Variants in GPC6 observed in about 807,000 individuals in gnomAD.
GPC6 encodes the protein glypican-6.
GPC6 carries 14 observed loss-of-function variants against 55.2 expected under a neutral mutation model. The observed-to-expected ratio is 0.25, with a 90% confidence interval of 0.17 to 0.40. GPC6 has a LOEUF of 0.40. Ranked by LOEUF, GPC6 falls within the 10% of genes least tolerant of loss-of-function variation. The probability of loss-of-function intolerance (pLI) is 1.00; values close to 1 mark genes in which losing one functional copy is unlikely to be tolerated. For synonymous variants in GPC6, 278 were observed against 259.6 expected, an observed-to-expected ratio of 1.07 and a Z score of -0.68; for missense variants, 641 against 708.5, an observed-to-expected ratio of 0.90 and a Z score of 1.08.
chr13:94,281,458 C>T (rs1254840613), intron 4 of GPC6, among the ~76,000 whole-genome samples: 1 of 152,060 alleles, frequency 6.6e-6, no homozygotes, highest in East Asian at 1.9e-4. Context: ...TTCTTGCTTT[C>T]TCTAAAACAC....
At chr13:93,383,732 A>G (rs912213876) in intron 1 of GPC6, among the ~76,000 whole-genome samples, 1 of 147,484 alleles carries the variant, frequency 6.8e-6, no homozygotes, top group Admixed American at 6.7e-5. Flanking sequence ...CAAACCAAGA[A>G]TTTTTTTTTT....
At chr13:93,640,769 CA>C (rs1297088290) in intron 2 of GPC6, among the ~76,000 whole-genome samples, 4 of 84,916 alleles carry the variant, frequency 4.7e-5, no homozygotes, top group African/African-American at 2.4e-4. Context: ...CCCTCCTCCC[CA>C]CTTTCCTTCC....
chr13:93,583,342 G>T (rs1431127870), intron 2 of GPC6, among the ~76,000 whole-genome samples: 1 of 151,058 alleles, frequency 6.6e-6, no homozygotes, highest in Non-Finnish European at 1.5e-5. Flanking sequence ...TGCACATTGT[G>T]TGTGTGTGTG....
At chr13:93,358,522 C>G (rs1279025954) in intron 1 of GPC6, among the ~76,000 whole-genome samples, 1 of 152,132 alleles carries the variant, frequency 6.6e-6, no homozygotes, top group East Asian at 1.9e-4. Context: ...TCCCACCGCC[C>G]TTAAGTAGCA....
chr13:94,372,953 C>G (rs1250828293), intron 6 of GPC6, among the ~76,000 whole-genome samples: 2 of 152,168 alleles, frequency 1.3e-5, no homozygotes, highest in African/African-American at 2.4e-5. Flanking sequence ...AGCAGGAGCA[C>G]ACTGACACCT....
chr13:93,672,893 A>G (rs1204366621), intron 2 of GPC6, among the ~76,000 whole-genome samples: 1 of 152,082 alleles, frequency 6.6e-6, no homozygotes, highest in South Asian at 2.1e-4. Context: ...AGGTATATTC[A>G]TTAGAGGTCT....
At chr13:94,257,515 A>G (rs972085711) in intron 4 of GPC6, among the ~76,000 whole-genome samples, 5 of 152,128 alleles carry the variant, frequency 3.3e-5, no homozygotes, top group African/African-American at 1.2e-4. Flanking sequence ...CTCTCTTAGA[A>G]ATAATTAGAA....
intron 1 of GPC6, among the ~76,000 whole-genome samples, chr13:93,269,543 A>C (rs1335671325): frequency 1.3e-5 from 2 of 152,100 alleles, no homozygotes; most frequent in Non-Finnish European, 2.9e-5. Flanking sequence ...TCTTATTGTA[A>C]TTCTGTCTGC....
chr13:94,151,146 G>T (rs1887726301), intron 4 of GPC6, among the ~76,000 whole-genome samples: 1 of 151,976 alleles, frequency 6.6e-6, no homozygotes, highest in African/African-American at 2.4e-5. Flanking sequence ...GGTAGAGGCA[G>T]GTGTGGAATC....
intron 1 of GPC6, among the ~76,000 whole-genome samples, chr13:93,335,628 C>T (rs893045361): frequency 6.6e-6 from 1 of 152,120 alleles, no homozygotes; most frequent in Non-Finnish European, 1.5e-5. Flanking sequence ...TTATAATTGT[C>T]AGCTTATCTA....
intron 4 of GPC6, among the ~76,000 whole-genome samples, chr13:94,232,899 A>G (rs551896141): frequency 2.0e-5 from 3 of 152,036 alleles, no homozygotes; most frequent in African/African-American, 7.2e-5. Context: ...CAGGCACCAG[A>G]ATGTGTAACC....
rs923225715 is a variant in GPC6, at chr13:93,227,110, G to A, written c.-347G>A. On this transcript the variant is annotated 5_prime_UTR_variant, in exon 1 of 9. Transcript: ENST00000377047. This position sits in a 1 kb window ranked among gnomAD's most constrained non-coding sequence, Gnocchi z 4.3. The stretch of plus-strand genomic sequence containing the variant: ...GCCCGCAGCGCTCCAGGATTCTGCG[G>A]CTCGGAACTCGGATTGCAGCTCTGA... 1.4e-4 allele frequency: 26 copies of A among 181,034 alleles called. No individual in the cohort carries two copies. The highest frequency in any genetic ancestry group is 5.2e-4 in the African/African-American group (22 of 42,706). The allele number at this position is 181,034 out of a possible 1,614,324, so 11.2% of individuals were successfully genotyped here. A position where few individuals can be genotyped will look rare whatever the true frequency, so the allele number is the denominator to read the frequency against.
chr13:93,538,641 C>G (rs962938653), intron 1 of GPC6, among the ~76,000 whole-genome samples: 2 of 152,086 alleles, frequency 1.3e-5, no homozygotes, highest in Non-Finnish European at 2.9e-5. Context: ...CCGCCATATT[C>G]CTAAGAAAGA....
chr13:93,759,387 AG>A (rs1382302454), intron 2 of GPC6, among the ~76,000 whole-genome samples: 1 of 152,210 alleles, frequency 6.6e-6, no homozygotes, highest in Admixed American at 6.5e-5. Context: ...TCAGCATTGA[AG>A]GATACATTAT....
At chr13:93,395,806 A>G (rs1875829477) in intron 1 of GPC6, 1 of 152,472 alleles carries the variant, frequency 6.6e-6, no homozygotes. Flanking sequence ...AGCTGTTCGG[A>G]CTTTTTAGGA....
At chr13:94,317,289 G>T (rs1876588017) in intron 6 of GPC6, among the ~76,000 whole-genome samples, 1 of 152,152 alleles carries the variant, frequency 6.6e-6, no homozygotes, top group Admixed American at 6.5e-5. Context: ...TTTGACCTCA[G>T]AAAACTCCCC....
chr13:93,733,045 C>T (rs1594410048), intron 2 of GPC6, among the ~76,000 whole-genome samples: 1 of 152,142 alleles, frequency 6.6e-6, no homozygotes, highest in East Asian at 1.9e-4. Context: ...ACTAAAGCTT[C>T]TCCTCTACTT....
intron 1 of GPC6, among the ~76,000 whole-genome samples, chr13:93,243,587 G>T (rs1222581485): frequency 6.6e-6 from 1 of 152,282 alleles, no homozygotes; most frequent in Non-Finnish European, 1.5e-5. Context: ...GATGGGGGTG[G>T]CAGGGGAGTG....
intron 2 of GPC6, among the ~76,000 whole-genome samples, chr13:93,727,953 T>C (rs1031207198): frequency 6.6e-6 from 1 of 152,248 alleles, no homozygotes; most frequent in East Asian, 1.9e-4. Flanking sequence ...TTGCTGTGAC[T>C]GTGTCCTTAT....
Sources: allele counts gnomAD v4.1 joint callset (sites outside exome capture counted in the v4.1 genomes callset), GRCh38; gene constraint gnomAD v4.1.1; non-coding constraint Gnocchi (gnomAD v3.1); transcripts MANE v1.5; gene names NCBI Gene and HGNC (gene_info 2026-07-23, HGNC 2026-07-21).